The following SNX16 variants were observed in gnomAD, a reference collection of about 807,000 sequenced individuals.
SNX16 encodes the protein sorting nexin 16.
In SNX16, 35 loss-of-function variants were observed where a neutral mutation model predicts 36.7. The ratio of observed to expected loss-of-function variants is 0.95; its 90% CI spans 0.73 to 1.27. The LOEUF (loss-of-function observed/expected upper bound fraction) is 1.27. SNX16 is among the 50% of genes most tolerant of loss of function. The pLI is 0.00. For synonymous variants in SNX16, 134 were observed against 132.0 expected (o/e 1.02, Z -0.10); for missense variants, 367 against 393.6 (o/e 0.93, Z 0.57).
At position 81,840,017 on chromosome 8, in the gene SNX16, A is replaced by G; in HGVS notation, c.-31T>C. 1 of 1,552,536 alleles carries G rather than the reference A, an allele frequency of 6.4e-7. No homozygotes were observed. Among genetic ancestry groups the G allele is most frequent in the Non-Finnish European group, 8.7e-7 (1 of 1,154,322 alleles). ...TTTGGCTTTTCCAACAAGCTTGCACACTGTTGAGTCCACTTAGAGAACAAC... is the reference window on the plus strand; with the variant it reads ...TTTGGCTTTTCCAACAAGCTTGCACGCTGTTGAGTCCACTTAGAGAACAAC... On this transcript the variant is annotated 5_prime_UTR_variant, in exon 2 of 8. Transcript: ENST00000345957.
At chr8:81,821,282 T>A (rs759092523) in intron 4 of SNX16, among the ~76,000 whole-genome samples, 17 of 151,970 alleles carry the variant, frequency 1.1e-4, no homozygotes, top group Non-Finnish European at 2.4e-4. Context: ...GCTTTAGAAA[T>A]GACAGGATCT....
chr8:81,806,312 T>TA (rs1563431021), intron 5 of SNX16, among the ~76,000 whole-genome samples: 2 of 152,118 alleles, frequency 1.3e-5, no homozygotes, highest in Middle Eastern at 3.4e-3. Flanking sequence ...ATCCAGTAAT[T>TA]AAAAAAATAC....
At chr8:81,818,490 C>G (rs2130678581) in intron 4 of SNX16, among the ~76,000 whole-genome samples, 1 of 152,180 alleles carries the variant, frequency 6.6e-6, no homozygotes, top group Non-Finnish European at 1.5e-5. Flanking sequence ...CCTAACTTGT[C>G]ATCTAATCAA....
chr8:81,801,718 T>C (rs1027686383), intron 7 of SNX16, 125 bp from the exon 8 acceptor site: 3 of 531,774 alleles, frequency 5.6e-6, no homozygotes, highest in South Asian at 6.3e-5. Flanking sequence ...AGTGTAAAAG[T>C]ATTTAATGTA....
rs1446042288 is a variant in SNX16, at chr8:81,801,454, A to C, written c.*43T>G. ...TTAAAATAGTATTTGCCACTCTTCTAAATTTTTGAATAGTCTAAATGGAGG... is the reference window on the plus strand; with the variant it reads ...TTAAAATAGTATTTGCCACTCTTCTCAATTTTTGAATAGTCTAAATGGAGG... On this transcript the variant is annotated 3_prime_UTR_variant, in exon 8 of 8. Transcript: ENST00000345957. The C allele has an allele frequency of 1.6e-6, 2 of 1,218,774 alleles. No homozygotes were observed. The highest frequency in any genetic ancestry group is 3.1e-5 in the African/African-American group (2 of 64,694). The allele number at this position is 1,218,774 out of a possible 1,614,324, so 75.5% of individuals were successfully genotyped here. A position where few individuals can be genotyped will look rare whatever the true frequency, so the allele number is the denominator to read the frequency against.
intron 1 of SNX16, among the ~76,000 whole-genome samples, chr8:81,841,348 A>C (rs1394709912): frequency 6.6e-6 from 1 of 151,904 alleles, no homozygotes; most frequent in Non-Finnish European, 1.5e-5. Context: ...TCTCAAAAAA[A>C]AAAAAAAAAA....
intron 3 of SNX16, 64 bp downstream of exon 3, chr8:81,829,366 A>T (rs561038457): frequency 3.2e-6 from 2 of 621,304 alleles, no homozygotes; most frequent in East Asian, 7.0e-5. Flanking sequence ...AATATAACAG[A>T]AGTATAGGAA....
chr8:81,801,434 A>G lies in SNX16; in HGVS notation c.*63T>C. On this transcript the variant is annotated 3_prime_UTR_variant, in exon 8 of 8. Coordinates refer to ENST00000345957, the MANE Select transcript of SNX16 (RefSeq NM_152836.3). ...TACAGTTCTTGGTTCTTCTTTTAAA[A>G]TAGTATTTGCCACTCTTCTAAATTT... The G allele has an allele frequency of 1.1e-6, 1 of 896,688 alleles. No individual in the cohort carries two copies. The allele number at this position is 896,688 out of a possible 1,614,324, so 55.5% of individuals were successfully genotyped here.
chr8:81,840,841 G>C (rs1811720318), intron 1 of SNX16, among the ~76,000 whole-genome samples: 1 of 152,162 alleles, frequency 6.6e-6, no homozygotes, highest in Non-Finnish European at 1.5e-5. Flanking sequence ...AGTATATCTT[G>C]TGTCAGAATA....
rs375630342 is a variant in SNX16 at position 81,822,966 on chromosome 8, A to ATATGTG, written c.611+825_611+826insCACATA. ...CATATACATATATATATATATATAT[A>ATATGTG]TATATATATACACATATGTGTGTGT... On this transcript the variant is annotated intron_variant, in intron 4 of 7. Transcript: ENST00000345957. 8.2e-4 allele frequency among the ~76,000 whole-genome samples: 104 copies of ATATGTG among 126,948 alleles called. 2 individuals are homozygous for ATATGTG. The highest frequency in any genetic ancestry group is 2.9e-3 in the African/African-American group (103 of 35,494). 83.3% of individuals were successfully genotyped at this position (126,948 alleles called of 152,430 possible).
Position 81,802,614 on chromosome 8 carries a change from C to G in SNX16, c.819-115G>C, listed in dbSNP as rs1809754821. 6.8e-6 allele frequency: 5 copies of G among 738,914 alleles called. No homozygotes were observed. In the East Asian group the frequency reaches 1.5e-4, roughly 23 times the overall value. 45.8% of individuals were successfully genotyped at this position (738,914 alleles called of 1,614,324 possible). ...TAGCTGTTAAGCCTTAATGTAGTTA[C>G]ATAGCTAATAAATAGCTCACTTTGG... On this transcript the variant is annotated intron_variant, in intron 6 of 7. Transcript: ENST00000345957.
At chr8:81,806,962 C>T (rs2130603042) in intron 5 of SNX16, among the ~76,000 whole-genome samples, 2 of 151,372 alleles carry the variant, frequency 1.3e-5, no homozygotes, top group Admixed American at 6.6e-5. Context: ...AAAAAAAAAC[C>T]CTCCATATGC....
chr8:81,820,816 A>T (rs1004561588), intron 4 of SNX16, among the ~76,000 whole-genome samples: 3 of 151,880 alleles, frequency 2.0e-5, no homozygotes, highest in African/African-American at 7.2e-5. Flanking sequence ...CTCTAAATGA[A>T]TTTTAAAACC....
At chr8:81,822,947 CATATATATATATAT>C (rs949455303) in intron 4 of SNX16, among the ~76,000 whole-genome samples, 1 of 52,342 alleles carries the variant, frequency 1.9e-5, no homozygotes, top group Admixed American at 2.2e-4. Flanking sequence ...TATACATATA[CATATATATATATAT>C]ATATATATAT....
At chr8:81,814,278 C>T (rs554006192) in intron 5 of SNX16, among the ~76,000 whole-genome samples, 29 of 151,966 alleles carry the variant, frequency 1.9e-4, no homozygotes, top group African/African-American at 6.0e-4. Context: ...CCCTCAAAAG[C>T]ATGCTAAGTG....
chr8:81,840,049 G>T lies in SNX16; in HGVS notation c.-63C>A. Reference sequence around the variant, plus strand: ...AGTCCACTTAGAGAACAACTAATATGCAATCCATTATTTTCTTCTTAGGAA... The same window carrying T: ...AGTCCACTTAGAGAACAACTAATATTCAATCCATTATTTTCTTCTTAGGAA... On this transcript the variant is annotated 5_prime_UTR_variant, in exon 2 of 8. It introduces an in-frame stop codon into an upstream open reading frame of the 5' UTR. Coordinates refer to ENST00000345957, the MANE Select transcript of SNX16 (RefSeq NM_152836.3). 1 of 1,496,222 alleles carries T rather than the reference G, an allele frequency of 6.7e-7. No individual in the cohort carries two copies. The highest frequency in any genetic ancestry group is 1.4e-5 in the South Asian group (1 of 72,226). 92.7% of individuals were successfully genotyped at this position (1,496,222 alleles called of 1,614,324 possible). A position where few individuals can be genotyped will look rare whatever the true frequency, so the allele number is the denominator to read the frequency against.
intron 2 of SNX16, among the ~76,000 whole-genome samples, chr8:81,837,822 A>C (rs191427123): frequency 6.6e-6 from 1 of 152,112 alleles, no homozygotes; most frequent in Non-Finnish European, 1.5e-5. Flanking sequence ...TTTTCTAAAA[A>C]TTTTCTAAAA....
intron 4 of SNX16, among the ~76,000 whole-genome samples, chr8:81,822,658 T>C (rs1221449924): frequency 6.6e-6 from 1 of 151,908 alleles, no homozygotes; most frequent in Admixed American, 6.6e-5. Context: ...GTGAAGGATG[T>C]GTTAAAGATG....
chr8:81,835,231 C>G (rs913717564), intron 2 of SNX16, among the ~76,000 whole-genome samples: 1 of 152,192 alleles, frequency 6.6e-6, no homozygotes. Flanking sequence ...GGGCACCAAG[C>G]CTCTAGGCTG....
Sources: allele counts gnomAD v4.1 joint callset (sites outside exome capture counted in the v4.1 genomes callset), GRCh38; gene constraint gnomAD v4.1.1; transcripts MANE v1.5; gene names NCBI Gene and HGNC (gene_info 2026-07-23, HGNC 2026-07-21).